The following ENO2 variants were observed in gnomAD, a reference collection of about 807,000 sequenced individuals.
ENO2 encodes gamma-enolase.
ENO2 carries 19 observed loss-of-function variants against 48.7 expected under a neutral mutation model. That is an observed-to-expected ratio of 0.39 (90% CI 0.27 to 0.57). ENO2 has a LOEUF of 0.57. Among genes scored for constraint, ENO2 ranks in the 20% least tolerant of loss-of-function variants. The probability of loss-of-function intolerance (pLI) is 0.58; values close to 1 mark genes in which losing one functional copy is unlikely to be tolerated. For synonymous variants in ENO2, 198 were observed against 213.4 expected, an observed-to-expected ratio of 0.93 and a Z score of 0.63; for missense variants, 416 against 555.0, an observed-to-expected ratio of 0.75 and a Z score of 2.52.
intron 2 of ENO2, 60 bp downstream of exon 2, chr12:6,915,977 C>A: frequency 6.3e-7 from 1 of 1,592,234 alleles, no homozygotes; most frequent in Admixed American, 1.7e-5. Flanking sequence ...AGGCTGGGTT[C>A]GGCCAGGGGT....
chr12:6,915,979 G>T, intron 2 of ENO2, 62 bp downstream of exon 2: 1 of 1,594,250 alleles, frequency 6.3e-7, no homozygotes, highest in Non-Finnish European at 8.6e-7. Context: ...GCTGGGTTCG[G>T]CCAGGGGTTC....
At chr12:6,917,482 G>T (rs1170353362) in intron 5 of ENO2, 99 bp from the exon 6 acceptor site, 14 of 1,487,756 alleles carry the variant, frequency 9.4e-6, no homozygotes, top group Middle Eastern at 2.0e-4. Context: ...GGAGGAGGGG[G>T]TCTCCTTTAC....
In ENO2 at chr12:6,916,853, G is replaced by A; in HGVS notation, c.240+124G>A. The A allele has an allele frequency of 3.5e-6, 5 of 1,436,692 alleles. No individual in the cohort carries two copies. The highest frequency in any genetic ancestry group is 4.8e-6 in the Non-Finnish European group (5 of 1,045,788). The allele number at this position is 1,436,692 out of a possible 1,614,324, so 89.0% of individuals were successfully genotyped here. A position where few individuals can be genotyped will look rare whatever the true frequency, so the allele number is the denominator to read the frequency against. Reference sequence around the variant, plus strand: ...AATCATGGTTACAAGGGGGAAGGGTGGGGAACAGCTTCCTTAATGCACCCT... The same window carrying A: ...AATCATGGTTACAAGGGGGAAGGGTAGGGAACAGCTTCCTTAATGCACCCT... On this transcript the variant is annotated intron_variant, in intron 4 of 11. Transcript: ENST00000229277. This position sits in a 1 kb window ranked among gnomAD's most constrained non-coding sequence, Gnocchi z 4.5.
rs116296918 is a variant in ENO2, at chr12:6,921,505, G to A, written c.866-76G>A. ...GGGCCTGTCCATTTCAGGGAATAAA[G>A]GGGCATGTTCCTGCCTGATGTAGAG... On this transcript the variant is annotated intron_variant, in intron 8 of 11. Coordinates refer to ENST00000229277, the MANE Select transcript of ENO2 (RefSeq NM_001975.3). The A allele has an allele frequency of 5.6e-4, 814 of 1,457,914 alleles. 4 individuals are homozygous for A. The African/African-American group carries it at 0.01, about 19-fold the overall frequency. The allele number at this position is 1,457,914 out of a possible 1,614,324, so 90.3% of individuals were successfully genotyped here. A position where few individuals can be genotyped will look rare whatever the true frequency, so the allele number is the denominator to read the frequency against.
rs1022440269 is a variant in ENO2 at position 6,914,656 on chromosome 12, C to G, written c.-16C>G. 1.2e-4 allele frequency: 19 copies of G among 159,280 alleles called. No homozygotes were observed. The highest frequency in any genetic ancestry group is 3.6e-4 in the African/African-American group (15 of 41,450). 9.9% of individuals were successfully genotyped at this position (159,280 alleles called of 1,614,324 possible). ...CTACCACCGTCTGAGTCTGCAGTCC[C>G]GAGGTGAAGCCCCCGCCAGGCCCAG... On this transcript the variant is annotated 5_prime_UTR_variant, in exon 1 of 12. Transcript: ENST00000229277. This position sits in a 1 kb window ranked among gnomAD's most constrained non-coding sequence, Gnocchi z 7.1.
chr12:6,917,040 T>C lies in ENO2; in HGVS notation c.243T>C (p.Gly81=). The C allele has an allele frequency of 6.2e-7, 1 of 1,613,944 alleles. No individual in the cohort carries two copies. Among genetic ancestry groups the C allele is most frequent in the East Asian group, 2.2e-5 (1 of 44,880 alleles). ...STIAPALISS[G]LSVVEQEKLD... ...GGTGATGGAGGCTCTGCCCTCAGGG[T>C]CTCTCTGTGGTGGAGCAAGAGAAAC... Residue 81 remains glycine, a splice_region_variant and synonymous_variant, in exon 5 of 12, where the codon GGT becomes GGC. Transcript: ENST00000229277.
At position 6,916,021 on chromosome 12, in the gene ENO2, G is replaced by T; in HGVS notation, c.85+104G>T. On this transcript the variant is annotated intron_variant, in intron 2 of 11. Transcript: ENST00000229277. This position sits in a 1 kb window ranked among gnomAD's most constrained non-coding sequence, Gnocchi z 4.5. Reference sequence around the variant, plus strand: ...CTTTTTTGATACCCAGGGGTATGGGGTGCTGGGCCAGGCTCACAAGCCTGG... The same window carrying T: ...CTTTTTTGATACCCAGGGGTATGGGTTGCTGGGCCAGGCTCACAAGCCTGG... 3 of 1,205,832 alleles carry T rather than the reference G, an allele frequency of 2.5e-6. No homozygotes were observed. The highest frequency in any genetic ancestry group is 3.6e-6 in the Non-Finnish European group (3 of 826,230). The allele number at this position is 1,205,832 out of a possible 1,614,324, so 74.7% of individuals were successfully genotyped here. A position where few individuals can be genotyped will look rare whatever the true frequency, so the allele number is the denominator to read the frequency against.
rs1452526589 is a variant in ENO2, at chr12:6,923,381, G to C, written c.*581G>C. ...GGCCTAAAACTGGCCTGACTTGGGG[G>C]AACGATGTGTCTGTATTTCATGTGG... On this transcript the variant is annotated 3_prime_UTR_variant, in exon 12 of 12. Coordinates refer to ENST00000229277, the MANE Select transcript of ENO2 (RefSeq NM_001975.3). 2 of 152,142 alleles carry C rather than the reference G, an allele frequency of 1.3e-5. No homozygotes were observed. The highest frequency in any genetic ancestry group is 2.9e-5 in the Non-Finnish European group (2 of 68,054). The allele number at this position is 152,142 out of a possible 1,614,324, so 9.4% of individuals were successfully genotyped here.
chr12:6,920,493 G>C (rs1293544329), intron 8 of ENO2, among the ~76,000 whole-genome samples: 1 of 149,914 alleles, frequency 6.7e-6, no homozygotes, highest in East Asian at 2.0e-4. Context: ...TCCACCTCCC[G>C]GATTCAAGCG....
Position 6,922,052 on chromosome 12 carries a change from A to G in ENO2, c.1068-4A>G. 1 of 1,614,120 alleles carries G rather than the reference A, an allele frequency of 6.2e-7. No individual in the cohort carries two copies. Among genetic ancestry groups the G allele is most frequent in the Non-Finnish European group, 8.5e-7 (1 of 1,180,014 alleles). On this transcript the variant is annotated splice_region_variant and splice_polypyrimidine_tract_variant and intron_variant, in intron 9 of 11. Transcript: ENST00000229277. The surrounding 1 kb of genome is among the most constrained non-coding windows in gnomAD (Gnocchi z 5.3). Reference sequence around the variant, plus strand: ...TGGAGAATCAGTGCTGTGTGTGGATACAGGTGCAAGCTGGCCCAGGAGAAT... The same window carrying G: ...TGGAGAATCAGTGCTGTGTGTGGATGCAGGTGCAAGCTGGCCCAGGAGAAT...
At chr12:6,917,321 G>A (rs1945300794) in intron 5 of ENO2, 2 of 713,008 alleles carry the variant, frequency 2.8e-6, no homozygotes, top group Non-Finnish European at 4.6e-6. Context: ...ATACAGAGGA[G>A]GGGGATGGCC....
intron 5 of ENO2, 71 bp from the exon 6 acceptor site, chr12:6,917,510 T>C: frequency 6.4e-7 from 1 of 1,560,880 alleles, no homozygotes; most frequent in Non-Finnish European, 8.6e-7. Flanking sequence ...TTTTGGAGAC[T>C]ACAGATGGAG....
chr12:6,921,812 G>A, intron 9 of ENO2, 30 bp downstream of exon 9: 2 of 1,611,462 alleles, frequency 1.2e-6, no homozygotes, highest in Non-Finnish European at 1.7e-6. Context: ...CTCCTGTGTG[G>A]TCCTCGTTTC....
chr12:6,919,859 G>A, intron 8 of ENO2, 96 bp downstream of exon 8: 5 of 1,347,034 alleles, frequency 3.7e-6, no homozygotes, highest in Non-Finnish European at 5.1e-6. Context: ...GGCACCAGGT[G>A]GGGGTGTCCT....
Position 6,915,805 on chromosome 12 carries a change from C to T in ENO2, c.-12-16C>T, listed in dbSNP as rs782010462. The T allele has an allele frequency of 6.8e-6, 11 of 1,608,894 alleles. No homozygotes were observed. Among genetic ancestry groups the T allele is most frequent in the Non-Finnish European group, 8.5e-7 (1 of 1,176,684 alleles). On this transcript the variant is annotated splice_polypyrimidine_tract_variant and intron_variant, in intron 1 of 11. Transcript: ENST00000229277. ...AGCCTCTTATCTTTCTCCTTCCTTC[C>T]CTTCCACCCGAGGAGATCCCAGCCA...
In ENO2 at chr12:6,919,761, C is replaced by T; in HGVS notation, c.863C>T (p.Pro288Leu). Residue 288 changes from proline (P) to leucine (L), a missense_variant and splice_region_variant, in exon 8 of 12, where the codon CCT becomes CTT. By Grantham distance (98) the Pro-to-Leu change is moderately conservative (BLOSUM62 -3). Transcript: ENST00000229277. ...ALYQDFVRDY[P>L]VVSIEDPFDQ... ...TACCAGGACTTTGTCAGGGACTATC[C>T]TGGTGAGAGGAAGTGGTGTGAGGGG... The T allele has an allele frequency of 6.2e-7, 1 of 1,613,470 alleles. No individual in the cohort carries two copies. The highest frequency in any genetic ancestry group is 8.5e-7 in the Non-Finnish European group (1 of 1,179,908).
At position 6,922,605 on chromosome 12, in the gene ENO2, C is replaced by A; in HGVS notation, c.1236-126C>A. 1 of 1,334,390 alleles carries A rather than the reference C, an allele frequency of 7.5e-7. No homozygotes were observed. Among genetic ancestry groups the A allele is most frequent in the Non-Finnish European group, 1.1e-6 (1 of 936,988 alleles). 82.7% of individuals were successfully genotyped at this position (1,334,390 alleles called of 1,614,324 possible). A position where few individuals can be genotyped will look rare whatever the true frequency, so the allele number is the denominator to read the frequency against. On this transcript the variant is annotated intron_variant, in intron 11 of 11. Transcript: ENST00000229277. This position sits in a 1 kb window ranked among gnomAD's most constrained non-coding sequence, Gnocchi z 5.3. ...GATCACATGGGAAAGCCAGGGAATGCTAAGCCTTGGGGCAGGACACAAAAG... is the reference window on the plus strand; with the variant it reads ...GATCACATGGGAAAGCCAGGGAATGATAAGCCTTGGGGCAGGACACAAAAG...
chr12:6,922,965 G>A lies in ENO2; in HGVS notation c.*165G>A, dbSNP rs1555142284. The A allele has an allele frequency of 1.5e-6, 1 of 658,596 alleles. No homozygotes were observed. The highest frequency in any genetic ancestry group is 2.5e-5 in the Admixed American group (1 of 40,190). 40.8% of individuals were successfully genotyped at this position (658,596 alleles called of 1,614,324 possible). ...TCCTTGGCTTACCTGACCTCTTGCT[G>A]TCTCTGCTCGCCCTCCTTTCTGTGC... On this transcript the variant is annotated 3_prime_UTR_variant, in exon 12 of 12. Transcript: ENST00000229277. The surrounding 1 kb of genome is among the most constrained non-coding windows in gnomAD (Gnocchi z 5.3).
chr12:6,915,821 A>G lies in ENO2; in HGVS notation c.-12A>G. The G allele has an allele frequency of 6.2e-7, 1 of 1,611,412 alleles. No individual in the cohort carries two copies. The highest frequency in any genetic ancestry group is 8.5e-7 in the Non-Finnish European group (1 of 1,178,688). On this transcript the variant is annotated splice_region_variant and 5_prime_UTR_variant, in exon 2 of 12. Coordinates refer to ENST00000229277, the MANE Select transcript of ENO2 (RefSeq NM_001975.3). ...CCTTCCTTCCCTTCCACCCGAGGAGATCCCAGCCATCATGTCCATAGAGAA... is the reference window on the plus strand; with the variant it reads ...CCTTCCTTCCCTTCCACCCGAGGAGGTCCCAGCCATCATGTCCATAGAGAA...
Sources: allele counts gnomAD v4.1 joint callset (sites outside exome capture counted in the v4.1 genomes callset), GRCh38; gene constraint gnomAD v4.1.1; non-coding constraint Gnocchi (gnomAD v3.1); transcripts MANE v1.5; gene names NCBI Gene and HGNC (gene_info 2026-07-23, HGNC 2026-07-21).